Variants in NEURL4 observed in about 807,000 individuals in gnomAD.
NEURL4 encodes the protein neuralized-like protein 4.
NEURL4 carries 45 observed loss-of-function variants against 148.0 expected under a neutral mutation model. The ratio of observed to expected loss-of-function variants is 0.30; its 90% CI spans 0.24 to 0.39. The LOEUF is 0.39. Among genes scored for constraint, NEURL4 ranks in the 10% least tolerant of loss-of-function variants. The probability of loss-of-function intolerance (pLI) is 1.00; values close to 1 mark genes in which losing one functional copy is unlikely to be tolerated. For missense variants in NEURL4, 1,776 were observed against 2,144.0 expected (o/e 0.83, Z 3.39); for synonymous variants, 854 against 869.0 (o/e 0.98, Z 0.30).
chr17:7,324,338 C>T lies in NEURL4; in HGVS notation c.1899+57G>A, dbSNP rs1311811731. 3.7e-6 allele frequency: 6 copies of T among 1,613,788 alleles called. No individual in the cohort carries two copies. Among genetic ancestry groups the T allele is most frequent in the Non-Finnish European group, 5.1e-6 (6 of 1,179,956 alleles). ...CCTGCCGGGGCTGGTCCTGCATCAG[C>T]CCCGCGGTGTTTGTGATGCCCGCTG... On this transcript the variant is annotated intron_variant, in intron 10 of 28. Coordinates refer to ENST00000399464, the MANE Select transcript of NEURL4 (RefSeq NM_032442.3). The surrounding 1 kb of genome is among the most constrained non-coding windows in gnomAD (Gnocchi z 5.9).
Position 7,321,035 on chromosome 17 carries a change from C to T in NEURL4, c.3360+77G>A, listed in dbSNP as rs2073025417. The T allele has an allele frequency of 6.3e-7, 1 of 1,592,914 alleles. No individual in the cohort carries two copies. Among genetic ancestry groups the T allele is most frequent in the African/African-American group, 1.3e-5 (1 of 74,388 alleles). On this transcript the variant is annotated intron_variant, in intron 20 of 28. Transcript: ENST00000399464. The surrounding 1 kb of genome is among the most constrained non-coding windows in gnomAD (Gnocchi z 6.3). ...GAGCCTCCACCCAACGATCAGAGAA[C>T]CCAGAAAAGGCCTGGCATCCAACGG...
chr17:7,326,033 C>A lies in NEURL4; in HGVS notation c.1293+222G>T, dbSNP rs1484928260. On this transcript the variant is annotated intron_variant, in intron 6 of 28. Coordinates refer to ENST00000399464, the MANE Select transcript of NEURL4 (RefSeq NM_032442.3). This position sits in a 1 kb window ranked among gnomAD's most constrained non-coding sequence, Gnocchi z 6.0. ...AGGATAAGCTTCTTGCCCCGGTTCGCTACTACAAATGGGAAAACAGTAAGA... is the reference window on the plus strand; with the variant it reads ...AGGATAAGCTTCTTGCCCCGGTTCGATACTACAAATGGGAAAACAGTAAGA... 6.6e-6 allele frequency among the ~76,000 whole-genome samples: 1 copy of A among 152,166 alleles called. No homozygotes were observed. The highest frequency in any genetic ancestry group is 1.5e-5 in the Non-Finnish European group (1 of 68,024).
In NEURL4 at chr17:7,318,002, C is replaced by T. The variant is rs2072973735; in HGVS notation, c.4060+63G>A. 1 of 1,613,180 alleles carries T rather than the reference C, an allele frequency of 6.2e-7. No homozygotes were observed. The highest frequency in any genetic ancestry group is 1.1e-5 in the South Asian group (1 of 91,062). On this transcript the variant is annotated intron_variant, in intron 25 of 28. Transcript: ENST00000399464. The surrounding 1 kb of genome is among the most constrained non-coding windows in gnomAD (Gnocchi z 4.3). ...CAACCACAGTGGCACCCTCCAGCTG[C>T]TCTCCAAGGCTCTAGGCCTGGCCCT...
chr17:7,327,403 C>A lies in NEURL4; in HGVS notation c.727+37G>T. The A allele has an allele frequency of 6.6e-7, 1 of 1,508,040 alleles. No homozygotes were observed. Among genetic ancestry groups the A allele is most frequent in the Non-Finnish European group, 9.0e-7 (1 of 1,115,724 alleles). The allele number at this position is 1,508,040 out of a possible 1,614,324, so 93.4% of individuals were successfully genotyped here. ...TGTCACTCTATTTCCCCCATTCCGT[C>A]CCCACCCCACCACCACTGCCCTAGC... is the stretch of plus-strand genomic sequence containing the variant. On this transcript the variant is annotated intron_variant, in intron 2 of 28. Coordinates refer to ENST00000399464, the MANE Select transcript of NEURL4 (RefSeq NM_032442.3). The surrounding 1 kb of genome is among the most constrained non-coding windows in gnomAD (Gnocchi z 6.6).
Position 7,318,211 on chromosome 17 carries a change from T to C in NEURL4, c.3953-39A>G. On this transcript the variant is annotated intron_variant, in intron 24 of 28. Coordinates refer to ENST00000399464, the MANE Select transcript of NEURL4 (RefSeq NM_032442.3). The surrounding 1 kb of genome is among the most constrained non-coding windows in gnomAD (Gnocchi z 4.3). ...GGGGCACAGGTCACAGGAGCTGGGC[T>C]AGAAGGGTGAGGGTGGGGGAGTAGG... 2 of 1,611,434 alleles carry C rather than the reference T, an allele frequency of 1.2e-6. No individual in the cohort carries two copies. The highest frequency in any genetic ancestry group is 1.7e-6 in the Non-Finnish European group (2 of 1,177,584).
In NEURL4 at chr17:7,322,642, C is replaced by T. The variant is rs564504778; in HGVS notation, c.2725+93G>A. On this transcript the variant is annotated intron_variant, in intron 16 of 28. Coordinates refer to ENST00000399464, the MANE Select transcript of NEURL4 (RefSeq NM_032442.3). The surrounding 1 kb of genome is among the most constrained non-coding windows in gnomAD (Gnocchi z 5.5). Reference sequence around the variant, plus strand: ...GGAGCCGGCAGCTACCCCAGCCAACCGTCTTTGCAGAACCTCTCTAACCTG... The same window carrying T: ...GGAGCCGGCAGCTACCCCAGCCAACTGTCTTTGCAGAACCTCTCTAACCTG... 128 of 1,509,396 alleles carry T rather than the reference C, an allele frequency of 8.5e-5. No homozygotes were observed. Among genetic ancestry groups the T allele is most frequent in the Admixed American group, 2.1e-4 (11 of 53,630 alleles). The allele number at this position is 1,509,396 out of a possible 1,614,324, so 93.5% of individuals were successfully genotyped here.
intron 21 of NEURL4, 76 bp downstream of exon 21, chr17:7,320,683 A>G: frequency 7.2e-7 from 1 of 1,392,122 alleles, no homozygotes; most frequent in Non-Finnish European, 9.8e-7. Context: ...TCCACACAAA[A>G]AGGCCTTTTT....
At position 7,324,090 on chromosome 17, in the gene NEURL4, G is replaced by T; in HGVS notation, c.2062+18C>A. The T allele has an allele frequency of 6.2e-7, 1 of 1,611,024 alleles. No homozygotes were observed. Among genetic ancestry groups the T allele is most frequent in the Non-Finnish European group, 8.5e-7 (1 of 1,179,700 alleles). ...AAGGCCACCCTAACCCCCAGCCCCA[G>T]CCCAGCCCGGCCCTCACCCACGTCG... On this transcript the variant is annotated intron_variant, in intron 11 of 28. Coordinates refer to ENST00000399464, the MANE Select transcript of NEURL4 (RefSeq NM_032442.3). This position sits in a 1 kb window ranked among gnomAD's most constrained non-coding sequence, Gnocchi z 5.9.
chr17:7,326,563 C>T lies in NEURL4; in HGVS notation c.1093-15G>A. The T allele has an allele frequency of 1.9e-6, 3 of 1,613,100 alleles. No homozygotes were observed. Among genetic ancestry groups the T allele is most frequent in the South Asian group, 1.1e-5 (1 of 91,036 alleles). The stretch of plus-strand genomic sequence containing the variant: ...TCGATACGGATCTGGCATTGAGGGA[C>T]AGAAGGGAGAAGCAGGGAATGTAAA... On this transcript the variant is annotated splice_polypyrimidine_tract_variant and intron_variant, in intron 4 of 28. Transcript: ENST00000399464. The surrounding 1 kb of genome is among the most constrained non-coding windows in gnomAD (Gnocchi z 6.0).
At chr17:7,323,256 A>G (rs2073056426) in intron 14 of NEURL4, 133 bp from the exon 15 acceptor site, 2 of 1,021,400 alleles carry the variant, frequency 2.0e-6, no homozygotes, top group Non-Finnish European at 2.9e-6. Flanking sequence ...GCCCAATCCT[A>G]TCTCCTCTGT....
chr17:7,328,908 T>C, intron 1 of NEURL4, 123 bp downstream of exon 1: 1 of 917,288 alleles, frequency 1.1e-6, no homozygotes, highest in Non-Finnish European at 1.5e-6. Flanking sequence ...CCTGGTGCTC[T>C]ATGGTCTTTC....
intron 21 of NEURL4, 35 bp downstream of exon 21, chr17:7,320,724 G>A: frequency 6.3e-7 from 1 of 1,593,984 alleles, no homozygotes; most frequent in Non-Finnish European, 8.6e-7. Flanking sequence ...TCACTGTGGA[G>A]CGAGAGAAGC....
At chr17:7,325,173 C>G in intron 8 of NEURL4, 36 bp downstream of exon 8, 2 of 727,220 alleles carry the variant, frequency 2.8e-6, no homozygotes, top group Non-Finnish European at 4.5e-6. Context: ...CATTAGAATC[C>G]CTTCTTCAGG....
intron 21 of NEURL4, among the ~76,000 whole-genome samples, chr17:7,320,137 CT>C (rs1005016852): frequency 1.0e-3 from 149 of 144,510 alleles, no homozygotes; most frequent in African/African-American, 2.1e-3. Flanking sequence ...GCCTTTTTTT[CT>C]TTTTTTTTTT....
Position 7,320,921 on chromosome 17 carries a change from G to A in NEURL4, c.3363C>T (p.Gly1121=). Reference sequence around the variant, plus strand: ...TGGGTATAATACCCACTTCATTCTGGCCCTGGTGTGGAGGAAGGGACTGAG... The same window carrying A: ...TGGGTATAATACCCACTTCATTCTGACCCTGGTGTGGAGGAAGGGACTGAG... ...DDEGEEHGLG[G]QNEVGIIPTT... The change falls in exon 21 of 29, where the codon GGC becomes GGT. Residue 1121 remains glycine, a splice_region_variant and synonymous_variant. Coordinates refer to ENST00000399464, the MANE Select transcript of NEURL4 (RefSeq NM_032442.3). 1.2e-6 allele frequency: 2 copies of A among 1,613,922 alleles called. No homozygotes were observed. Among genetic ancestry groups the A allele is most frequent in the Non-Finnish European group, 1.7e-6 (2 of 1,179,946 alleles).
intron 28 of NEURL4, among the ~76,000 whole-genome samples, chr17:7,316,668 T>C (rs913228178): frequency 1.3e-5 from 2 of 152,224 alleles, no homozygotes; most frequent in African/African-American, 4.8e-5. Context: ...GGCTCACGCC[T>C]GTCCCAGCCC....
chr17:7,324,148 G>T lies in NEURL4; in HGVS notation c.2022C>A (p.Leu674=). ...TGGTGGCCTGGGCCGCCTGGCCATAGAGATCGACGACAGCATAGACGCCCG... is the reference window on the plus strand; with the variant it reads ...TGGTGGCCTGGGCCGCCTGGCCATATAGATCGACGACAGCATAGACGCCCG... The part of the protein sequence containing the change: ...VPPGVYAVVD[L]YGQAAQATIV... Residue 674 remains leucine (L), a synonymous_variant, in exon 11 of 29, where the codon CTC becomes CTA. Coordinates refer to ENST00000399464, the MANE Select transcript of NEURL4 (RefSeq NM_032442.3). This position sits in a 1 kb window ranked among gnomAD's most constrained non-coding sequence, Gnocchi z 5.9. 1.2e-6 allele frequency: 2 copies of T among 1,613,704 alleles called. No homozygotes were observed. The highest frequency in any genetic ancestry group is 1.7e-6 in the Non-Finnish European group (2 of 1,180,020).
In NEURL4 at chr17:7,325,338, A is replaced by G. The variant is rs1369224082; in HGVS notation, c.1502T>C (p.Leu501Pro). ...ACGGCGGAGAGCACCCTCGGGGGAC[A>G]GCGCCCGCAGGATGGCGTTGTTTCG... The part of the protein sequence containing the change: ...LRRNNAILRA[L>P]SPEGALRRAA... Residue 501 changes from leucine to proline, a missense_variant, in exon 8 of 29, where the codon CTG becomes CCG. By Grantham distance (98) the Leu-to-Pro change is moderately conservative. Coordinates refer to ENST00000399464, the MANE Select transcript of NEURL4 (RefSeq NM_032442.3). 1.9e-6 allele frequency: 3 copies of G among 1,613,436 alleles called. No homozygotes were observed. Among genetic ancestry groups the G allele is most frequent in the Non-Finnish European group, 2.5e-6 (3 of 1,179,910 alleles).
rs2073066418 is a variant in NEURL4 at position 7,323,987 on chromosome 17, G to C, written c.2088C>G (p.Leu696=). Residue 696 remains leucine (L), a synonymous_variant, in exon 12 of 29, where the codon CTC becomes CTG. Transcript: ENST00000399464. ...GAGACACCTGGTTGTTCCCCTCAGG[G>C]AGTGGTTCAGGAACTGGAGCCACCT... The part of the protein sequence containing the change: ...DVEVAPVPEP[L]PEGNNQVSPS... 3.1e-6 allele frequency: 5 copies of C among 1,610,718 alleles called. No individual in the cohort carries two copies. Among genetic ancestry groups the C allele is most frequent in the Non-Finnish European group, 2.5e-6 (3 of 1,180,024 alleles).
Sources: gnomAD v4.1 joint callset for allele counts (sites outside exome capture counted in the v4.1 genomes callset) on GRCh38, gnomAD v4.1.1 for gene constraint, Gnocchi (gnomAD v3.1) non-coding constraint, MANE v1.5 for transcripts, NCBI Gene and HGNC (gene_info 2026-07-23, HGNC 2026-07-21) for gene names.